Variants in DCC observed in about 807,000 individuals in gnomAD.
DCC encodes netrin receptor DCC.
A neutral mutation model predicts 172.5 loss-of-function variants in DCC; 58 were observed. The observed-to-expected ratio is 0.34, with a 90% confidence interval of 0.27 to 0.42. The LOEUF (loss-of-function observed/expected upper bound fraction) is 0.42. DCC is among the 10% of genes least tolerant of loss of function. The pLI, the probability that DCC is intolerant of heterozygous loss-of-function variation, is 1.00. For missense variants in DCC, 1,740 were observed against 1,791.0 expected, an observed-to-expected ratio of 0.97 and a Z score of 0.51; for synonymous variants, 709 against 644.5, an observed-to-expected ratio of 1.10 and a Z score of -1.52.
intron 9 of DCC, among the ~76,000 whole-genome samples, chr18:53,202,299 C>T (rs959003915): frequency 8.6e-5 from 13 of 151,878 alleles, no homozygotes; most frequent in African/African-American, 2.4e-4. Context: ...CAGAGAAAAA[C>T]GATTAAAAAG....
intron 23 of DCC, among the ~76,000 whole-genome samples, chr18:53,457,337 T>A (rs779483733): frequency 1.1e-4 from 16 of 152,230 alleles, no homozygotes; most frequent in Non-Finnish European, 1.9e-4. Context: ...TGAAAAGGCA[T>A]GCTTGTAAGC....
intron 8 of DCC, among the ~76,000 whole-genome samples, chr18:53,164,781 AG>A (rs1300838172): frequency 6.6e-6 from 1 of 152,166 alleles, no homozygotes; most frequent in East Asian, 1.9e-4. Flanking sequence ...CTGAAATACA[AG>A]GGTGTTTCTT....
chr18:52,612,642 G>A (rs2034296751), intron 1 of DCC, among the ~76,000 whole-genome samples: 4 of 152,060 alleles, frequency 2.6e-5, no homozygotes, highest in Admixed American at 2.6e-4. Flanking sequence ...CTGGACTCTA[G>A]ACATACTTGT....
At chr18:53,166,500 A>G (rs1425839629) in intron 8 of DCC, among the ~76,000 whole-genome samples, 1 of 152,138 alleles carries the variant, frequency 6.6e-6, no homozygotes. Flanking sequence ...ACTCAGTCAC[A>G]TTTATCATGT....
chr18:53,389,690 TC>T (rs2145004205), intron 16 of DCC, among the ~76,000 whole-genome samples: 1 of 152,208 alleles, frequency 6.6e-6, no homozygotes, highest in Non-Finnish European at 1.5e-5. Flanking sequence ...ACTGTGTAAG[TC>T]CATCAAGAAA....
intron 2 of DCC, among the ~76,000 whole-genome samples, chr18:52,878,342 C>A (rs1210128904): frequency 6.6e-6 from 1 of 152,174 alleles, no homozygotes; most frequent in Non-Finnish European, 1.5e-5. Flanking sequence ...CTGTCCATAA[C>A]ACAACTCACT....
Position 53,078,088 on chromosome 18 carries a change from G to A in DCC, c.1261+11922G>A, listed in dbSNP as rs150674976. Among the ~76,000 whole-genome samples, 8 of 152,234 alleles carry A rather than the reference G, an allele frequency of 5.3e-5. No individual in the cohort carries two copies. In the East Asian group the frequency reaches 7.7e-4, roughly 15 times the overall value. ...CAATTAAAGCATAGTGATTTGCAAT[G>A]CTATATTCATTATTCAATATTTATC... On this transcript the variant is annotated intron_variant, in intron 7 of 28. Transcript: ENST00000442544.
chr18:53,432,600 C>T (rs1313083478), intron 21 of DCC, among the ~76,000 whole-genome samples: 1 of 152,132 alleles, frequency 6.6e-6, no homozygotes, highest in Non-Finnish European at 1.5e-5. Context: ...ATTTGTTCTA[C>T]AGCAACAAGC....
At chr18:53,218,139 A>G (rs2055881559) in intron 12 of DCC, among the ~76,000 whole-genome samples, 1 of 152,138 alleles carries the variant, frequency 6.6e-6, no homozygotes, top group South Asian at 2.1e-4. Flanking sequence ...ATGAGTGACC[A>G]TGCTCAATTC....
rs180730377 is a variant in DCC, at chr18:53,320,296, T to A, written c.2054-1751T>A. Among the ~76,000 whole-genome samples, 764 of 152,184 alleles carry A rather than the reference T, an allele frequency of 5.0e-3. 7 individuals are homozygous for A. The highest frequency in any genetic ancestry group is 6.0e-3 in the Non-Finnish European group (409 of 67,990). ...ACCGTGTTAGCCAGGATGGTCTCGA[T>A]CTCCTGACTTTGTGATCCGCCCGCC... On this transcript the variant is annotated intron_variant, in intron 13 of 28. Transcript: ENST00000442544.
chr18:52,784,574 G>T (rs747873023), intron 2 of DCC, among the ~76,000 whole-genome samples: 4 of 151,814 alleles, frequency 2.6e-5, no homozygotes, highest in Non-Finnish European at 5.9e-5. Flanking sequence ...TTTGCCAGCA[G>T]TTGTTATTTT....
chr18:53,020,437 A>T (rs2041864056), intron 5 of DCC, among the ~76,000 whole-genome samples: 1 of 152,212 alleles, frequency 6.6e-6, no homozygotes, highest in African/African-American at 2.4e-5. Flanking sequence ...TGTTCATAAA[A>T]ATGTCACTGT....
At chr18:53,260,224 A>T (rs1001342651) in intron 12 of DCC, among the ~76,000 whole-genome samples, 1 of 152,072 alleles carries the variant, frequency 6.6e-6, no homozygotes, top group African/African-American at 2.4e-5. Context: ...TTCTCCGTCC[A>T]GCTTTGTTTG....
At chr18:52,562,507 A>G (rs938210788) in intron 1 of DCC, among the ~76,000 whole-genome samples, 4 of 152,186 alleles carry the variant, frequency 2.6e-5, no homozygotes. Context: ...AATGGAAAAT[A>G]GCAAATAGAA....
intron 7 of DCC, among the ~76,000 whole-genome samples, chr18:53,077,642 A>T (rs758678916): frequency 1.1e-4 from 16 of 152,070 alleles, no homozygotes; most frequent in Non-Finnish European, 2.4e-4. Flanking sequence ...TTACTTTGTG[A>T]GTAGGGAAAC....
At chr18:53,379,736 C>T (rs577503008) in intron 15 of DCC, among the ~76,000 whole-genome samples, 4 of 152,196 alleles carry the variant, frequency 2.6e-5, no homozygotes, top group African/African-American at 9.6e-5. Flanking sequence ...GGATGCTCAA[C>T]GAGTTACTAA....
chr18:53,179,600 G>A (rs1366917599), intron 9 of DCC, among the ~76,000 whole-genome samples: 1 of 152,124 alleles, frequency 6.6e-6, no homozygotes, highest in Non-Finnish European at 1.5e-5. Context: ...AGGAATATGA[G>A]AGATAACCTC....
chr18:52,860,150 T>C (rs2039117269), intron 2 of DCC, among the ~76,000 whole-genome samples: 1 of 152,216 alleles, frequency 6.6e-6, no homozygotes, highest in South Asian at 2.1e-4. Context: ...TGGAGTGGTC[T>C]GTAGATTTGT....
At chr18:52,940,614 G>A (rs1882547728) in intron 5 of DCC, among the ~76,000 whole-genome samples, 1 of 152,216 alleles carries the variant, frequency 6.6e-6, no homozygotes, top group African/African-American at 2.4e-5. Context: ...ATTTGGTAAA[G>A]CTGTGTGAAT....
Sources: gnomAD v4.1 joint callset for allele counts (sites outside exome capture counted in the v4.1 genomes callset) on GRCh38, gnomAD v4.1.1 for gene constraint, MANE v1.5 for transcripts, NCBI Gene and HGNC (gene_info 2026-07-23, HGNC 2026-07-21) for gene names.